CDC42SE2: variants seen among roughly 807,000 people sequenced by gnomAD.
CDC42SE2 encodes the protein CDC42 small effector protein 2.
Under a neutral mutation model 11.5 loss-of-function variants are expected in CDC42SE2, and 3 were observed. The observed-to-expected ratio is 0.26, with a 90% CI of 0.12 to 0.67. The LOEUF (loss-of-function observed/expected upper bound fraction) is 0.67, where lower values mean the gene tolerates loss of function less well. Among genes scored for constraint, CDC42SE2 ranks in the 30% least tolerant of loss-of-function variants. CDC42SE2 has a pLI of 0.80. For synonymous variants in CDC42SE2, 33 were observed against 34.8 expected (o/e 0.95, Z 0.18); for missense variants, 82 against 106.8 (o/e 0.77, Z 1.02).
At chr5:131,326,801 G>T (rs1758310369) in intron 2 of CDC42SE2, among the ~76,000 whole-genome samples, 1 of 151,876 alleles carries the variant, frequency 6.6e-6, no homozygotes, top group Non-Finnish European at 1.5e-5. Context: ...TTTTTAGGGA[G>T]ACAGAATCTG....
At chr5:131,276,398 G>A (rs1209905012) in intron 1 of CDC42SE2, among the ~76,000 whole-genome samples, 2 of 149,228 alleles carry the variant, frequency 1.3e-5, no homozygotes, top group African/African-American at 5.0e-5. Context: ...GCAGTGAGCC[G>A]AGATCTCACC....
intron 3 of CDC42SE2, among the ~76,000 whole-genome samples, chr5:131,374,467 G>A (rs1385061142): frequency 2.0e-5 from 3 of 149,962 alleles, no homozygotes; most frequent in Non-Finnish European, 4.4e-5. Flanking sequence ...GGTGGCAGAG[G>A]TTGCAGGGAG....
At chr5:131,319,069 G>GTT (rs1281507383) in intron 2 of CDC42SE2, among the ~76,000 whole-genome samples, 1 of 151,988 alleles carries the variant, frequency 6.6e-6, no homozygotes, top group African/African-American at 2.4e-5. Flanking sequence ...TCCTGGCCAA[G>GTT]TTTTTTTGTA....
At chr5:131,268,531 C>T (rs937876193) in intron 1 of CDC42SE2, among the ~76,000 whole-genome samples, 8 of 151,624 alleles carry the variant, frequency 5.3e-5, no homozygotes, top group Non-Finnish European at 7.4e-5. Context: ...TGGCTCACTG[C>T]AACCTCCACC....
intron 2 of CDC42SE2, among the ~76,000 whole-genome samples, chr5:131,358,137 C>T (rs1033934048): frequency 6.6e-6 from 1 of 152,224 alleles, no homozygotes; most frequent in South Asian, 2.1e-4. Flanking sequence ...AGAGATCATT[C>T]ATTGCTTTAG....
At chr5:131,276,414 A>C (rs944113826) in intron 1 of CDC42SE2, among the ~76,000 whole-genome samples, 5 of 151,906 alleles carry the variant, frequency 3.3e-5, no homozygotes, top group African/African-American at 1.2e-4. Flanking sequence ...TCACCACTGC[A>C]GTCTACCCTG....
At chr5:131,299,019 A>G (rs1424506531) in intron 1 of CDC42SE2, among the ~76,000 whole-genome samples, 1 of 152,164 alleles carries the variant, frequency 6.6e-6, no homozygotes, top group Non-Finnish European at 1.5e-5. Flanking sequence ...AGTATGCCAG[A>G]CAGAAAGAAG....
chr5:131,334,190 T>C (rs1758496572), intron 2 of CDC42SE2, among the ~76,000 whole-genome samples: 1 of 152,226 alleles, frequency 6.6e-6, no homozygotes, highest in South Asian at 2.1e-4. Flanking sequence ...TTGAATTTTG[T>C]CAAAGGTCTT....
the CDC42SE2 span, among the ~76,000 whole-genome samples, chr5:131,224,625 T>C: frequency 3.2e-4 from 48 of 152,052 alleles, no homozygotes; most frequent in Non-Finnish European, 6.5e-4. Context: ...AACTCCATAG[T>C]CCATTCTCAA....
At chr5:131,311,063 T>A (rs1356560678) in intron 1 of CDC42SE2, among the ~76,000 whole-genome samples, 1 of 151,830 alleles carries the variant, frequency 6.6e-6, no homozygotes, top group Non-Finnish European at 1.5e-5. Flanking sequence ...TTGGCATGAT[T>A]TTGCAGCGGC....
At chr5:131,343,512 A>G (rs897368904) in intron 2 of CDC42SE2, among the ~76,000 whole-genome samples, 2 of 152,146 alleles carry the variant, frequency 1.3e-5, no homozygotes, top group East Asian at 1.9e-4. Context: ...CAGGAGTTCA[A>G]GACCAGCCTG....
At chr5:131,278,489 CCTCT>C (rs1011169010) in intron 1 of CDC42SE2, among the ~76,000 whole-genome samples, 1 of 84,472 alleles carries the variant, frequency 1.2e-5, no homozygotes, top group African/African-American at 5.6e-5. Context: ...GCTGATTGTG[CCTCT>C]CTCTCCAGCT....
chr5:131,303,163 C>T (rs1561577702), intron 1 of CDC42SE2, among the ~76,000 whole-genome samples: 1 of 152,150 alleles, frequency 6.6e-6, no homozygotes, highest in African/African-American at 2.4e-5. Flanking sequence ...TGCTAATAGA[C>T]ATTGTACTAA....
At chr5:131,375,999 G>T (rs1490300189) in intron 3 of CDC42SE2, among the ~76,000 whole-genome samples, 1 of 152,064 alleles carries the variant, frequency 6.6e-6, no homozygotes, top group Non-Finnish European at 1.5e-5. Context: ...AGCACTTTAG[G>T]AGGCCAAGGT....
intron 3 of CDC42SE2, among the ~76,000 whole-genome samples, chr5:131,363,825 A>G (rs2149774082): frequency 6.6e-6 from 1 of 151,052 alleles, no homozygotes; most frequent in African/African-American, 2.4e-5. Context: ...CCTCCCGAGT[A>G]GCTGGGACTA....
chr5:131,340,903 C>A (rs1758696658), intron 2 of CDC42SE2, among the ~76,000 whole-genome samples: 1 of 152,118 alleles, frequency 6.6e-6, no homozygotes, highest in Non-Finnish European at 1.5e-5. Flanking sequence ...TCTCGAACTC[C>A]TGATCTCAAG....
chr5:131,290,380 G>A (rs13179482), intron 1 of CDC42SE2, among the ~76,000 whole-genome samples: 86,722 of 151,648 alleles, frequency 0.57, 28,713 homozygotes, highest in Non-Finnish European at 0.76. Context: ...AATTGGTATC[G>A]TGTATTTATC....
intron 1 of CDC42SE2, among the ~76,000 whole-genome samples, chr5:131,247,448 C>T (rs1234092171): frequency 2.6e-5 from 4 of 151,980 alleles, no homozygotes; most frequent in African/African-American, 4.8e-5. Context: ...GAAACCCTGT[C>T]TCTACTAAAA....
chr5:131,292,712 T>C (rs1235469410), intron 1 of CDC42SE2, among the ~76,000 whole-genome samples: 1 of 151,234 alleles, frequency 6.6e-6, no homozygotes, highest in Non-Finnish European at 1.5e-5. Context: ...CTGAGAAATA[T>C]GGCAAAACCC....
Sources: allele counts gnomAD v4.1 joint callset (sites outside exome capture counted in the v4.1 genomes callset), GRCh38; gene constraint gnomAD v4.1.1; transcripts MANE v1.5; gene names NCBI Gene and HGNC (gene_info 2026-07-23, HGNC 2026-07-21).